FSHR: variants seen among roughly 807,000 people sequenced by gnomAD.
FSHR encodes follicle stimulating hormone receptor.
Under a neutral mutation model 52.1 loss-of-function variants are expected in FSHR, and 46 were observed. That is an observed-to-expected ratio of 0.88 (90% CI 0.70 to 1.13). The LOEUF is 1.13. Among genes scored for constraint, FSHR ranks in the 50% most tolerant of loss-of-function variants. FSHR has a pLI of 0.00. For missense variants in FSHR, 964 were observed against 834.6 expected (o/e 1.16, Z -1.91); for synonymous variants, 399 against 309.6 (o/e 1.29, Z -3.03).
intron 1 of FSHR, among the ~76,000 whole-genome samples, chr2:49,075,927 A>C (rs1344349709): frequency 6.6e-6 from 1 of 152,204 alleles, no homozygotes; most frequent in Non-Finnish European, 1.5e-5. Flanking sequence ...GGCATGAGAC[A>C]CCACAGCTAG....
chr2:48,997,157 T>A, intron 4 of FSHR: 1 of 928,954 alleles, frequency 1.1e-6, no homozygotes, highest in Non-Finnish European at 1.3e-6. Flanking sequence ...AGCTTCTGGA[T>A]AACACCAAAC....
intron 1 of FSHR, among the ~76,000 whole-genome samples, chr2:49,072,773 C>G (rs1327792799): frequency 6.6e-6 from 1 of 152,082 alleles, no homozygotes; most frequent in Non-Finnish European, 1.5e-5. Flanking sequence ...AAAAGGTTTA[C>G]TAAAATGGTT....
intron 8 of FSHR, among the ~76,000 whole-genome samples, chr2:48,971,302 A>G (rs986956068): frequency 2.0e-5 from 3 of 152,302 alleles, no homozygotes; most frequent in African/African-American, 7.2e-5. Flanking sequence ...ACTGGAGAAT[A>G]GGTAAAAGTG....
intron 1 of FSHR, among the ~76,000 whole-genome samples, chr2:49,133,977 C>A (rs1000617629): frequency 6.6e-6 from 1 of 152,100 alleles, no homozygotes; most frequent in East Asian, 1.9e-4. Context: ...AGAAGGAAAC[C>A]TAGGCAATAC....
chr2:49,002,777 C>A (rs970155559), intron 4 of FSHR, among the ~76,000 whole-genome samples: 12 of 152,078 alleles, frequency 7.9e-5, no homozygotes, highest in African/African-American at 2.4e-4. Flanking sequence ...CCCCGGGAGG[C>A]CCTGTTACTT....
intron 1 of FSHR, among the ~76,000 whole-genome samples, chr2:49,123,140 A>G (rs1671876093): frequency 6.6e-6 from 1 of 152,140 alleles, no homozygotes; most frequent in African/African-American, 2.4e-5. Flanking sequence ...TTTCCCTATC[A>G]GGTCTATAAA....
chr2:49,133,606 G>C (rs1316734270), intron 1 of FSHR, among the ~76,000 whole-genome samples: 3 of 152,118 alleles, frequency 2.0e-5, no homozygotes, highest in Admixed American at 2.0e-4. Flanking sequence ...AGCCCTCATT[G>C]CCAAAACAAT....
At chr2:49,011,745 C>A (rs115378478) in intron 4 of FSHR, among the ~76,000 whole-genome samples, 238 of 152,200 alleles carry the variant, frequency 1.6e-3, no homozygotes, top group African/African-American at 5.5e-3. Flanking sequence ...GAGACCTGTG[C>A]CCAGACAGGT....
intron 4 of FSHR, among the ~76,000 whole-genome samples, chr2:48,995,284 G>C (rs1675974580): frequency 6.6e-6 from 1 of 152,100 alleles, no homozygotes; most frequent in African/African-American, 2.4e-5. Flanking sequence ...AGAATGGTCT[G>C]GTGGAAAACT....
At chr2:49,077,200 A>G (rs893651857) in intron 1 of FSHR, among the ~76,000 whole-genome samples, 6 of 152,176 alleles carry the variant, frequency 3.9e-5, no homozygotes, top group Admixed American at 2.0e-4. Flanking sequence ...AGGTGTTTCC[A>G]TACATCTTCT....
In FSHR at chr2:48,963,409, A is replaced by G. The variant is rs1167156409; in HGVS notation, c.1412T>C (p.Ile471Thr). 1 of 1,614,110 alleles carries G rather than the reference A, an allele frequency of 6.2e-7. No homozygotes were observed. Among genetic ancestry groups the G allele is most frequent in the Non-Finnish European group, 8.5e-7 (1 of 1,179,980 alleles). Residue 471 changes from isoleucine to threonine, a missense_variant, in exon 10 of 10, where the codon ATC (isoleucine) becomes ACC (threonine). By Grantham distance (89) the Ile-to-Thr change is moderately conservative (BLOSUM62 -1). Transcript: ENST00000406846. ...GCAGTCCAGCTGCATGGCATGCGTG[A>G]TGGTATGCCATCTTTCCAAGGTGAT... is the stretch of plus-strand genomic sequence containing the variant. ...TAITLERWHT[I>T]THAMQLDCKV...
chr2:49,140,991 T>C (rs1213206767), intron 1 of FSHR, among the ~76,000 whole-genome samples: 3 of 152,174 alleles, frequency 2.0e-5, no homozygotes, highest in Non-Finnish European at 4.4e-5. Flanking sequence ...CAGTTACTTC[T>C]GGGCACCATC....
At chr2:48,987,772 C>T (rs62161854) in intron 6 of FSHR, among the ~76,000 whole-genome samples, 6 of 151,388 alleles carry the variant, frequency 4.0e-5, no homozygotes, top group Admixed American at 6.6e-5. Flanking sequence ...TCATTCTGCT[C>T]GCGTTTTAGT....
chr2:49,125,496 A>G (rs1326471419), intron 1 of FSHR, among the ~76,000 whole-genome samples: 1 of 152,182 alleles, frequency 6.6e-6, no homozygotes, highest in South Asian at 2.1e-4. Context: ...GTCATCTGCT[A>G]TAGAATATAA....
chr2:49,151,214 G>C (rs1673050995), intron 1 of FSHR, among the ~76,000 whole-genome samples: 1 of 150,830 alleles, frequency 6.6e-6, no homozygotes, highest in Non-Finnish European at 1.5e-5. Flanking sequence ...GCATGCAGAG[G>C]AGATATAAAA....
chr2:49,112,556 A>G lies in FSHR; in HGVS notation c.152+41710T>C, dbSNP rs146242726. 2.5e-3 allele frequency among the ~76,000 whole-genome samples: 385 copies of G among 152,328 alleles called. 2 individuals carry two copies. Among genetic ancestry groups the G allele is most frequent in the African/African-American group, 8.7e-3 (363 of 41,576 alleles). On this transcript the variant is annotated intron_variant, in intron 1 of 9. Coordinates refer to ENST00000406846, the MANE Select transcript of FSHR (RefSeq NM_000145.4). ...AATTTCAAAACAAAATGCTAAACCTATAAAGATGCATTGATAGGTAGAGAA... is the reference window on the plus strand; with the variant it reads ...AATTTCAAAACAAAATGCTAAACCTGTAAAGATGCATTGATAGGTAGAGAA...
chr2:49,086,175 A>G (rs945139637), intron 1 of FSHR, among the ~76,000 whole-genome samples: 9 of 152,238 alleles, frequency 5.9e-5, no homozygotes, highest in Non-Finnish European at 1.3e-4. Context: ...AGTAAAAACT[A>G]CAAATGATTG....
At chr2:48,969,893 T>C (rs1250793785) in intron 8 of FSHR, among the ~76,000 whole-genome samples, 3 of 152,108 alleles carry the variant, frequency 2.0e-5, no homozygotes, top group Non-Finnish European at 2.9e-5. Flanking sequence ...AACAAGGAGA[T>C]TTAAATGGCA....
At chr2:49,120,243 C>A (rs920036788) in intron 1 of FSHR, among the ~76,000 whole-genome samples, 12 of 152,132 alleles carry the variant, frequency 7.9e-5, no homozygotes, top group African/African-American at 2.9e-4. Flanking sequence ...TGCACTCCAG[C>A]CTGGGCAAGA....
Sources: allele counts gnomAD v4.1 joint callset (sites outside exome capture counted in the v4.1 genomes callset), GRCh38; gene constraint gnomAD v4.1.1; transcripts MANE v1.5; gene names NCBI Gene and HGNC (gene_info 2026-07-23, HGNC 2026-07-21).